The following CTNND2 variants were observed in gnomAD, a reference collection of about 807,000 sequenced individuals.
The protein encoded by CTNND2 is catenin delta-2.
In CTNND2, 22 loss-of-function variants were observed where a neutral mutation model predicts 144.4. That is an observed-to-expected ratio of 0.15 (90% CI 0.11 to 0.22). The LOEUF is 0.22. Among genes scored for constraint, CTNND2 ranks in the 10% least tolerant of loss-of-function variants. CTNND2 has a pLI of 1.00. For missense variants in CTNND2, 1,353 were observed against 1,618.8 expected (o/e 0.84, Z 2.82); for synonymous variants, 751 against 695.6 (o/e 1.08, Z -1.25).
chr5:11,282,453 T>C (rs1035066537), intron 9 of CTNND2, among the ~76,000 whole-genome samples: 1 of 152,146 alleles, frequency 6.6e-6, no homozygotes, highest in African/African-American at 2.4e-5. Context: ...CACGTGTTGT[T>C]TTGAAAATCA....
intron 3 of CTNND2, among the ~76,000 whole-genome samples, chr5:11,440,026 T>C (rs1236299659): frequency 6.6e-6 from 1 of 152,010 alleles, no homozygotes; most frequent in African/African-American, 2.4e-5. Flanking sequence ...TTTCTGCCAA[T>C]AGTTATGCAG....
chr5:11,528,064 C>T (rs943175849), intron 3 of CTNND2, among the ~76,000 whole-genome samples: 2 of 152,082 alleles, frequency 1.3e-5, no homozygotes, highest in African/African-American at 4.8e-5. Flanking sequence ...ATAAAGAGAG[C>T]CACATTTAAA....
intron 9 of CTNND2, among the ~76,000 whole-genome samples, chr5:11,295,879 C>G (rs1179952251): frequency 6.7e-6 from 1 of 149,556 alleles, no homozygotes; most frequent in Non-Finnish European, 1.5e-5. Context: ...CCATAAAAAC[C>G]CTAGAAGAAA....
chr5:10,993,980 CAG>C (rs1439963634), intron 18 of CTNND2, among the ~76,000 whole-genome samples: 2 of 151,334 alleles, frequency 1.3e-5, no homozygotes, highest in African/African-American at 4.9e-5. Context: ...AAAGTGGGAA[CAG>C]GGGCTGGGAC....
intron 18 of CTNND2, among the ~76,000 whole-genome samples, chr5:11,008,764 G>A (rs985400944): frequency 3.3e-5 from 5 of 152,140 alleles, no homozygotes; most frequent in East Asian, 1.9e-4. Context: ...GGGTGGAAGC[G>A]GCTGGTGGTG....
At chr5:11,610,121 G>A (rs546526922) in intron 2 of CTNND2, among the ~76,000 whole-genome samples, 4 of 152,252 alleles carry the variant, frequency 2.6e-5, no homozygotes, top group South Asian at 4.1e-4. Flanking sequence ...CATACACTGA[G>A]TTCTCTCTAC....
intron 16 of CTNND2, among the ~76,000 whole-genome samples, chr5:11,046,505 T>C (rs1304807881): frequency 1.3e-5 from 2 of 152,214 alleles, no homozygotes; most frequent in Non-Finnish European, 2.9e-5. Flanking sequence ...AGGAACCCTA[T>C]TAAACCAACA....
At position 11,393,173 on chromosome 5, in the gene CTNND2, C is replaced by A. The variant is rs191852038; in HGVS notation, c.612+3858G>T. Among the ~76,000 whole-genome samples, 228 of 152,248 alleles carry A rather than the reference C, an allele frequency of 1.5e-3. 1 individual carries two copies. The highest frequency in any genetic ancestry group is 3.5e-3 in the African/African-American group (145 of 41,554). ...ACAACATTAAATAGATAAGCCAGATCAAAAAGAAATGGAAATTTTGTTTCT... is the reference window on the plus strand; with the variant it reads ...ACAACATTAAATAGATAAGCCAGATAAAAAAGAAATGGAAATTTTGTTTCT... On this transcript the variant is annotated intron_variant, in intron 6 of 21. Coordinates refer to ENST00000304623, the MANE Select transcript of CTNND2 (RefSeq NM_001332.4).
At chr5:11,341,547 A>G (rs532588707) in intron 9 of CTNND2, among the ~76,000 whole-genome samples, 1 of 152,382 alleles carries the variant, frequency 6.6e-6, no homozygotes, top group South Asian at 2.1e-4. Context: ...AGTTAAAAGC[A>G]AACTACCCAG....
rs1175637150 is a variant in CTNND2, at chr5:11,311,252, A to G, written c.1628+35120T>C. On this transcript the variant is annotated intron_variant, in intron 9 of 21. Transcript: ENST00000304623. ...ATGCACCCTCAACCCACACATACATAAACTCTCACACTCACTCCATGCACC... is the reference window on the plus strand; with the variant it reads ...ATGCACCCTCAACCCACACATACATGAACTCTCACACTCACTCCATGCACC... Among the ~76,000 whole-genome samples, 46 of 132,062 alleles carry G rather than the reference A, an allele frequency of 3.5e-4. 1 individual carries two copies. Among genetic ancestry groups the G allele is most frequent in the Non-Finnish European group, 4.5e-4 (28 of 62,372 alleles). The allele number at this position is 132,062 out of a possible 152,430, so 86.6% of individuals were successfully genotyped here. A position where few individuals can be genotyped will look rare whatever the true frequency, so the allele number is the denominator to read the frequency against.
chr5:11,672,654 C>T (rs1297330584), intron 2 of CTNND2, among the ~76,000 whole-genome samples: 1 of 152,138 alleles, frequency 6.6e-6, no homozygotes, highest in Non-Finnish European at 1.5e-5. Context: ...AGGTAGAGCT[C>T]AGACTGCTAT....
intron 19 of CTNND2, among the ~76,000 whole-genome samples, chr5:10,991,075 C>T (rs938992204): frequency 3.3e-5 from 5 of 152,200 alleles, no homozygotes; most frequent in South Asian, 2.1e-4. Context: ...GATGGGTGGA[C>T]GTTTCCACAG....
chr5:11,162,498 C>G (rs931247522), intron 11 of CTNND2, among the ~76,000 whole-genome samples: 12 of 152,248 alleles, frequency 7.9e-5, no homozygotes, highest in African/African-American at 2.2e-4. Flanking sequence ...TCCACCCTTC[C>G]AGGCTGTCTC....
rs375398618 is a variant in CTNND2 at position 11,082,764 on chromosome 5, C to G, written c.2720G>C (p.Arg907Pro). ...LVELLRIDNDRVVCAVATALR... is the reference protein window; with the variant it reads ...LVELLRIDNDPVVCAVATALR... ...CGCAGTGGCCACCGCGCACACCACA[C>G]GGTCATTGTCTATTCGGAGCAGCTC... The change falls in exon 16 of 22, where the codon CGT becomes CCT. Residue 907 changes from arginine (R) to proline (P), a missense_variant. By Grantham distance (103) the Arg-to-Pro change is moderately radical (BLOSUM62 -2). Coordinates refer to ENST00000304623, the MANE Select transcript of CTNND2 (RefSeq NM_001332.4). 6.2e-7 allele frequency: 1 copy of G among 1,614,180 alleles called. No homozygotes were observed. Among genetic ancestry groups the G allele is most frequent in the Non-Finnish European group, 8.5e-7 (1 of 1,180,032 alleles).
chr5:11,797,289 C>T (rs1376668513), intron 1 of CTNND2, among the ~76,000 whole-genome samples: 5 of 152,178 alleles, frequency 3.3e-5, no homozygotes, highest in African/African-American at 7.2e-5. Context: ...GCTGCATTCC[C>T]GTCATTGTCA....
At chr5:11,740,113 C>T (rs929801561) in intron 1 of CTNND2, among the ~76,000 whole-genome samples, 2 of 152,136 alleles carry the variant, frequency 1.3e-5, no homozygotes, top group African/African-American at 4.8e-5. Flanking sequence ...GGTCATACTG[C>T]CCAAGGTAAT....
Position 11,903,521 on chromosome 5 carries a change from C to T in CTNND2, c.37+296G>A. 1.6e-6 allele frequency: 1 copy of T among 624,860 alleles called. No individual in the cohort carries two copies. The highest frequency in any genetic ancestry group is 2.4e-6 in the Non-Finnish European group (1 of 424,848). 38.7% of individuals were successfully genotyped at this position (624,860 alleles called of 1,614,324 possible). On this transcript the variant is annotated intron_variant, in intron 1 of 21. Coordinates refer to ENST00000304623, the MANE Select transcript of CTNND2 (RefSeq NM_001332.4). This position sits in a 1 kb window ranked among gnomAD's most constrained non-coding sequence, Gnocchi z 5.4. The stretch of plus-strand genomic sequence containing the variant: ...CGGGGAGCAGCATTGTCGGTGTTGC[C>T]CTAAATACGCTTCCTCCCGGGGAGA...
intron 1 of CTNND2, among the ~76,000 whole-genome samples, chr5:11,865,816 C>G (rs1178247458): frequency 6.8e-6 from 1 of 146,966 alleles, no homozygotes; most frequent in Admixed American, 7.1e-5. Flanking sequence ...GTGGAAAGTA[C>G]TCAGCCTGTT....
chr5:11,296,321 A>G (rs1748992607), intron 9 of CTNND2, among the ~76,000 whole-genome samples: 1 of 152,068 alleles, frequency 6.6e-6, no homozygotes, highest in South Asian at 2.1e-4. Flanking sequence ...ATCATTAAAA[A>G]GTCAGGAAAC....
Sources: gnomAD v4.1 joint callset for allele counts (sites outside exome capture counted in the v4.1 genomes callset) on GRCh38, gnomAD v4.1.1 for gene constraint, Gnocchi (gnomAD v3.1) non-coding constraint, MANE v1.5 for transcripts, NCBI Gene and HGNC (gene_info 2026-07-23, HGNC 2026-07-21) for gene names.